SMYD3: variants seen among roughly 807,000 people sequenced by gnomAD.
SMYD3 encodes histone-lysine N-methyltransferase SMYD3.
In SMYD3, 36 loss-of-function variants were observed where a neutral mutation model predicts 57.7. The observed-to-expected ratio is 0.62, with a 90% CI of 0.48 to 0.82. The LOEUF is 0.82. Among genes scored for constraint, SMYD3 ranks in the 40% least tolerant of loss-of-function variants. The probability of loss-of-function intolerance (pLI) is 0.00; values close to 1 mark genes in which losing one functional copy is unlikely to be tolerated. For synonymous variants in SMYD3, 211 were observed against 195.0 expected (o/e 1.08, Z -0.68); for missense variants, 515 against 538.8 (o/e 0.96, Z 0.44).
chr1:246,201,393 G>A (rs1272567836), intron 5 of SMYD3, among the ~76,000 whole-genome samples: 1 of 152,172 alleles, frequency 6.6e-6, no homozygotes, highest in African/African-American at 2.4e-5. Flanking sequence ...TCATCTCTCT[G>A]GATCAGCTTA....
intron 5 of SMYD3, among the ~76,000 whole-genome samples, chr1:246,231,553 C>A (rs1426681622): frequency 6.6e-6 from 1 of 152,054 alleles, no homozygotes; most frequent in Admixed American, 6.6e-5. Flanking sequence ...ACACACATTC[C>A]AATTGACACA....
intron 1 of SMYD3, among the ~76,000 whole-genome samples, chr1:246,387,369 C>A (rs999837830): frequency 6.6e-6 from 1 of 152,186 alleles, no homozygotes; most frequent in African/African-American, 2.4e-5. Flanking sequence ...ATATGCAAAA[C>A]ATTTAATGTA....
At chr1:246,349,064 T>C (rs1352189368) in intron 2 of SMYD3, among the ~76,000 whole-genome samples, 1 of 152,228 alleles carries the variant, frequency 6.6e-6, no homozygotes, top group South Asian at 2.1e-4. Flanking sequence ...GTATTGCCAG[T>C]AGACCCACCC....
intron 5 of SMYD3, among the ~76,000 whole-genome samples, chr1:246,157,800 A>C (rs1453652458): frequency 1.3e-5 from 2 of 152,334 alleles, no homozygotes; most frequent in Admixed American, 1.3e-4. Flanking sequence ...GGGGCTTCCA[A>C]ATTTTCAAGT....
At chr1:245,937,183 C>T (rs2057021620) in intron 5 of SMYD3, among the ~76,000 whole-genome samples, 1 of 152,150 alleles carries the variant, frequency 6.6e-6, no homozygotes, top group South Asian at 2.1e-4. Context: ...GCACACTAGA[C>T]ACACAAAATC....
intron 5 of SMYD3, among the ~76,000 whole-genome samples, chr1:246,104,948 G>T (rs956147519): frequency 3.3e-5 from 5 of 152,300 alleles, no homozygotes; most frequent in African/African-American, 1.2e-4. Context: ...GGGGGAAAGA[G>T]ATCTCAGTCA....
intron 10 of SMYD3, among the ~76,000 whole-genome samples, chr1:245,842,880 T>C (rs1232904735): frequency 6.6e-6 from 1 of 152,102 alleles, no homozygotes; most frequent in African/African-American, 2.4e-5. Flanking sequence ...CCAGCTAATT[T>C]TCTAATTTTT....
chr1:246,354,327 C>T (rs1011983078), intron 2 of SMYD3, among the ~76,000 whole-genome samples: 2 of 152,138 alleles, frequency 1.3e-5, no homozygotes, highest in Non-Finnish European at 2.9e-5. Flanking sequence ...AACAACAGTA[C>T]TCGTAAATTA....
chr1:245,949,654 C>G (rs1397493092), intron 5 of SMYD3, among the ~76,000 whole-genome samples: 1 of 152,032 alleles, frequency 6.6e-6, no homozygotes, highest in Non-Finnish European at 1.5e-5. Flanking sequence ...ACTAAAAATA[C>G]AAAAATTAGC....
At chr1:246,216,202 G>T (rs915294432) in intron 5 of SMYD3, among the ~76,000 whole-genome samples, 2 of 150,912 alleles carry the variant, frequency 1.3e-5, no homozygotes, top group South Asian at 2.1e-4. Context: ...CAGGAGAATC[G>T]CTTGAACCCG....
At chr1:245,970,061 GTAC>G (rs1558544474) in intron 5 of SMYD3, among the ~76,000 whole-genome samples, 2 of 152,094 alleles carry the variant, frequency 1.3e-5, no homozygotes, top group African/African-American at 4.8e-5. Flanking sequence ...ACTTCAAACT[GTAC>G]TACAAGGCTA....
intron 5 of SMYD3, among the ~76,000 whole-genome samples, chr1:246,086,791 T>C (rs1364935214): frequency 3.3e-5 from 5 of 152,122 alleles, no homozygotes; most frequent in Non-Finnish European, 5.9e-5. Context: ...TAGGTAAATG[T>C]GTGCCATGGT....
At chr1:246,271,101 G>GT (rs1480603991) in intron 5 of SMYD3, among the ~76,000 whole-genome samples, 2 of 152,054 alleles carry the variant, frequency 1.3e-5, no homozygotes, top group Non-Finnish European at 2.9e-5. Context: ...GCTTATTGGC[G>GT]TATCTTCTTT....
At chr1:245,817,011 G>A (rs1304943606) in intron 10 of SMYD3, among the ~76,000 whole-genome samples, 2 of 151,578 alleles carry the variant, frequency 1.3e-5, no homozygotes, top group East Asian at 1.9e-4. Context: ...GGTAAACAAA[G>A]CAGCCGGGAA....
At chr1:246,506,662 C>T (rs981458979) in intron 1 of SMYD3, among the ~76,000 whole-genome samples, 1 of 152,228 alleles carries the variant, frequency 6.6e-6, no homozygotes, top group African/African-American at 2.4e-5. Context: ...CACCCAGCCC[C>T]ACGCCCGCCA....
At chr1:246,280,734 T>C (rs2064424323) in intron 5 of SMYD3, among the ~76,000 whole-genome samples, 1 of 152,208 alleles carries the variant, frequency 6.6e-6, no homozygotes, top group Non-Finnish European at 1.5e-5. Flanking sequence ...AAAAACACTG[T>C]GCTTGCAACT....
At chr1:245,863,531 C>T (rs950989433) in intron 9 of SMYD3, among the ~76,000 whole-genome samples, 2 of 152,182 alleles carry the variant, frequency 1.3e-5, no homozygotes, top group African/African-American at 4.8e-5. Context: ...GAGACTAATT[C>T]TTACTTTCCT....
chr1:245,812,640 A>C (rs2048536955), intron 10 of SMYD3, among the ~76,000 whole-genome samples: 1 of 149,804 alleles, frequency 6.7e-6, no homozygotes, highest in Non-Finnish European at 1.5e-5. Context: ...CCCAAGAGAG[A>C]ACAGGCCCAT....
chr1:245,804,116 T>C (rs967592226), intron 10 of SMYD3, among the ~76,000 whole-genome samples: 4 of 152,104 alleles, frequency 2.6e-5, no homozygotes, highest in African/African-American at 4.8e-5. Context: ...TTTCAACATA[T>C]TGGCCAGGCT....
Sources: allele counts gnomAD v4.1 joint callset (sites outside exome capture counted in the v4.1 genomes callset), GRCh38; gene constraint gnomAD v4.1.1; transcripts MANE v1.5; gene names NCBI Gene and HGNC (gene_info 2026-07-23, HGNC 2026-07-21).